The following KCND3 variants were observed in gnomAD, a reference collection of about 807,000 sequenced individuals.
KCND3 encodes the protein potassium voltage-gated channel subfamily D member 3.
KCND3 carries 9 observed loss-of-function variants against 51.1 expected under a neutral mutation model. That is an observed-to-expected ratio of 0.18 (90% CI 0.11 to 0.31). KCND3 has a LOEUF of 0.31. KCND3 is among the 10% of genes least tolerant of loss of function. The pLI, the probability that KCND3 is intolerant of heterozygous loss-of-function variation, is 1.00. For synonymous variants in KCND3, 349 were observed against 368.0 expected (o/e 0.95, Z 0.59); for missense variants, 526 against 903.8 (o/e 0.58, Z 5.36).
At chr1:111,939,735 A>G (rs1672402723) in intron 2 of KCND3, among the ~76,000 whole-genome samples, 2 of 152,240 alleles carry the variant, frequency 1.3e-5, no homozygotes, top group African/African-American at 2.4e-5. Context: ...CTTTGGGTAT[A>G]TACCCAGTAA....
At chr1:111,973,167 G>A (rs1674439187) in intron 2 of KCND3, among the ~76,000 whole-genome samples, 1 of 152,216 alleles carries the variant, frequency 6.6e-6, no homozygotes, top group Non-Finnish European at 1.5e-5. Flanking sequence ...TGCATTTACA[G>A]TCTTTCAATA....
chr1:111,818,086 G>A (rs1008778079), intron 2 of KCND3, among the ~76,000 whole-genome samples: 1 of 149,038 alleles, frequency 6.7e-6, no homozygotes, highest in Non-Finnish European at 1.5e-5. Context: ...ACAGAATTAT[G>A]AGGCAGCTGT....
At chr1:111,846,686 A>C (rs2101653653) in intron 2 of KCND3, among the ~76,000 whole-genome samples, 1 of 152,354 alleles carries the variant, frequency 6.6e-6, no homozygotes, top group Non-Finnish European at 1.5e-5. Context: ...GCATCTACTG[A>C]GCATTCACAA....
intron 2 of KCND3, among the ~76,000 whole-genome samples, chr1:111,963,004 A>C (rs1673749361): frequency 6.6e-6 from 1 of 152,172 alleles, no homozygotes; most frequent in African/African-American, 2.4e-5. Flanking sequence ...ATGATGTGAG[A>C]CAACAGCCAT....
chr1:111,843,698 A>T (rs1318488117), intron 2 of KCND3, among the ~76,000 whole-genome samples: 1 of 152,184 alleles, frequency 6.6e-6, no homozygotes, highest in Non-Finnish European at 1.5e-5. Flanking sequence ...CCATTGAGAG[A>T]ATAGAACTAG....
Position 111,867,816 on chromosome 1 carries a change from A to G in KCND3, c.1107-80710T>C, listed in dbSNP as rs74692935. 4.7e-3 allele frequency among the ~76,000 whole-genome samples: 710 copies of G among 152,352 alleles called. 4 individuals carry two copies. Among genetic ancestry groups the G allele is most frequent in the Non-Finnish European group, 8.1e-3 (551 of 68,036 alleles). On this transcript the variant is annotated intron_variant, in intron 2 of 7. Transcript: ENST00000302127. ...GAAGAAACCCTTCTGAGCACAGTGAAAATCCTAGCAATGTATAAGACATAG... is the reference window on the plus strand; with the variant it reads ...GAAGAAACCCTTCTGAGCACAGTGAGAATCCTAGCAATGTATAAGACATAG...
chr1:111,784,983 G>T (rs969387310), intron 3 of KCND3, among the ~76,000 whole-genome samples: 2 of 152,154 alleles, frequency 1.3e-5, no homozygotes, highest in Non-Finnish European at 2.9e-5. Context: ...TGGAAGCTGA[G>T]GTGGGAGGAT....
At chr1:111,839,002 G>A (rs1206392919) in intron 2 of KCND3, among the ~76,000 whole-genome samples, 1 of 152,026 alleles carries the variant, frequency 6.6e-6, no homozygotes, top group Non-Finnish European at 1.5e-5. Context: ...TGCATGATTT[G>A]TTTTTAGTGA....
At chr1:111,866,263 C>CTTTTTTTTTTTTTTTTTTTTTTTT (rs11399761) in intron 2 of KCND3, among the ~76,000 whole-genome samples, 2 of 54,222 alleles carry the variant, frequency 3.7e-5, no homozygotes, top group Non-Finnish European at 5.4e-5. Flanking sequence ...CTTTTCTTTT[C>CTTTTTTTTTTTTTTTTTTTTTTTT]TTTTTTTTTT....
intron 2 of KCND3, among the ~76,000 whole-genome samples, chr1:111,809,310 CTT>C (rs1557950192): frequency 7.6e-5 from 2 of 26,180 alleles, no homozygotes; most frequent in Non-Finnish European, 1.4e-4. Flanking sequence ...GATTATTTTT[CTT>C]TCTTTTTTTT....
chr1:111,825,702 T>C (rs1052738673), intron 2 of KCND3, among the ~76,000 whole-genome samples: 1 of 152,238 alleles, frequency 6.6e-6, no homozygotes, highest in Admixed American at 6.5e-5. Context: ...TCTTCTAGTC[T>C]TGTTTTTCTT....
chr1:111,797,556 C>T (rs778207107), intron 2 of KCND3, among the ~76,000 whole-genome samples: 1 of 152,138 alleles, frequency 6.6e-6, no homozygotes, highest in African/African-American at 2.4e-5. Context: ...GGAAGACAGA[C>T]AAATAAATCC....
intron 2 of KCND3, among the ~76,000 whole-genome samples, chr1:111,922,119 G>A (rs900574086): frequency 3.3e-5 from 5 of 152,198 alleles, no homozygotes; most frequent in African/African-American, 1.2e-4. Context: ...GCCCTAACTT[G>A]TCCAAGACGA....
At position 111,780,299 on chromosome 1, in the gene KCND3, C is replaced by T. The variant is rs1571626257; in HGVS notation, c.1387G>A (p.Glu463Lys). The stretch of plus-strand genomic sequence containing the variant: ...AGTGAGGTGGTCTTGCCCATGTGCT[C>T]CTCTTCTGGGGTGCCCTAGTAAAAA... ...ALELTGTPEE[E>K]HMGKTTSLIE... The change falls in exon 5 of 8, where the codon GAG becomes AAG. Residue 463 changes from glutamate (E) to lysine (K), a missense_variant. Transcript: ENST00000302127. The surrounding 1 kb of genome is among the most constrained non-coding windows in gnomAD (Gnocchi z 4.2). The T allele has an allele frequency of 8.9e-6, 14 of 1,574,432 alleles. No individual in the cohort carries two copies. Among genetic ancestry groups the T allele is most frequent in the Non-Finnish European group, 1.1e-5 (13 of 1,158,664 alleles).
rs371158725 is a variant in KCND3, at chr1:111,982,759, G to T, written c.-33C>A. ...CCAGCTCTTGGGCCGGCAGCCGCGCGGACGCTAGGCACACCAGCTTGGAGT... is the reference window on the plus strand; with the variant it reads ...CCAGCTCTTGGGCCGGCAGCCGCGCTGACGCTAGGCACACCAGCTTGGAGT... On this transcript the variant is annotated 5_prime_UTR_variant, in exon 2 of 8. Transcript: ENST00000302127. The surrounding 1 kb of genome is among the most constrained non-coding windows in gnomAD (Gnocchi z 8.5). The T allele has an allele frequency of 6.3e-7, 1 of 1,582,496 alleles. No individual in the cohort carries two copies. The highest frequency in any genetic ancestry group is 8.5e-7 in the Non-Finnish European group (1 of 1,171,352).
chr1:111,789,439 A>G (rs1664738716), intron 2 of KCND3, among the ~76,000 whole-genome samples: 1 of 152,200 alleles, frequency 6.6e-6, no homozygotes, highest in Non-Finnish European at 1.5e-5. Flanking sequence ...GAATTCAGTA[A>G]ATTTACATCA....
intron 2 of KCND3, among the ~76,000 whole-genome samples, chr1:111,976,871 A>C (rs1415372570): frequency 1.3e-5 from 2 of 152,200 alleles, no homozygotes; most frequent in African/African-American, 2.4e-5. Flanking sequence ...CTGATGTGCA[A>C]TCATAGTGCC....
chr1:111,867,079 G>A (rs1325467218), intron 2 of KCND3, among the ~76,000 whole-genome samples: 1 of 152,190 alleles, frequency 6.6e-6, no homozygotes, highest in African/African-American at 2.4e-5. Context: ...CTGGGCCTCT[G>A]TTCCTTCATC....
At position 111,981,541 on chromosome 1, in the gene KCND3, G is replaced by T; in HGVS notation, c.1106+80C>A. The T allele has an allele frequency of 6.3e-7, 1 of 1,599,088 alleles. No individual in the cohort carries two copies. The highest frequency in any genetic ancestry group is 8.6e-7 in the Non-Finnish European group (1 of 1,167,392). On this transcript the variant is annotated intron_variant, in intron 2 of 7. Coordinates refer to ENST00000302127, the MANE Select transcript of KCND3 (RefSeq NM_001378969.1). This position sits in a 1 kb window ranked among gnomAD's most constrained non-coding sequence, Gnocchi z 6.2. Reference sequence around the variant, plus strand: ...GGGACTCCCTCCTCCTCTACCCATGGTGACACCATCCAAGGTTTCAGAGGT... The same window carrying T: ...GGGACTCCCTCCTCCTCTACCCATGTTGACACCATCCAAGGTTTCAGAGGT...
Sources: allele counts gnomAD v4.1 joint callset (sites outside exome capture counted in the v4.1 genomes callset), GRCh38; gene constraint gnomAD v4.1.1; non-coding constraint Gnocchi (gnomAD v3.1); transcripts MANE v1.5; gene names NCBI Gene and HGNC (gene_info 2026-07-23, HGNC 2026-07-21).